The following DLG2 variants were observed in gnomAD, a reference collection of about 807,000 sequenced individuals.
DLG2 encodes the protein disks large homolog 2.
Under a neutral mutation model 132.5 loss-of-function variants are expected in DLG2, and 45 were observed. The observed-to-expected ratio is 0.34, with a 90% CI of 0.27 to 0.44. DLG2 has a LOEUF of 0.44. Among genes scored for constraint, DLG2 ranks in the 20% least tolerant of loss-of-function variants. DLG2 has a pLI of 1.00. For synonymous variants in DLG2, 424 were observed against 419.6 expected (o/e 1.01, Z -0.13); for missense variants, 1,045 against 1,196.9 (o/e 0.87, Z 1.87).
At chr11:85,346,248 C>T (rs2082838672) in intron 3 of DLG2, among the ~76,000 whole-genome samples, 2 of 151,026 alleles carry the variant, frequency 1.3e-5, no homozygotes, top group Admixed American at 6.6e-5. Flanking sequence ...AGTGCAGTGG[C>T]GCTATCTCGG....
At chr11:85,014,372 C>T (rs1284894683) in intron 6 of DLG2, among the ~76,000 whole-genome samples, 2 of 152,144 alleles carry the variant, frequency 1.3e-5, no homozygotes, top group East Asian at 3.8e-4. Context: ...CTTATATATG[C>T]AGTTTTTAAT....
At chr11:84,300,008 T>C (rs2098134655) in intron 7 of DLG2, among the ~76,000 whole-genome samples, 1 of 151,978 alleles carries the variant, frequency 6.6e-6, no homozygotes, top group South Asian at 2.1e-4. Flanking sequence ...ACAGATAAAA[T>C]GTTATACAAT....
intron 21 of DLG2, among the ~76,000 whole-genome samples, chr11:83,522,127 C>T (rs984970493): frequency 2.0e-5 from 3 of 152,182 alleles, no homozygotes; most frequent in Non-Finnish European, 4.4e-5. Context: ...TTTACTTTTG[C>T]TCCTGCTGTT....
chr11:84,627,264 T>C (rs192849592), intron 6 of DLG2, among the ~76,000 whole-genome samples: 15 of 152,288 alleles, frequency 9.8e-5, no homozygotes, highest in Non-Finnish European at 4.4e-5. Context: ...CTATGCACAA[T>C]CACTTATTCA....
At chr11:85,169,086 T>C (rs556842334) in intron 4 of DLG2, among the ~76,000 whole-genome samples, 1 of 152,276 alleles carries the variant, frequency 6.6e-6, no homozygotes, top group East Asian at 1.9e-4. Context: ...CCTACACATA[T>C]CCTCCCAGAT....
At chr11:85,419,179 T>C (rs1225795321) in intron 3 of DLG2, among the ~76,000 whole-genome samples, 1 of 152,224 alleles carries the variant, frequency 6.6e-6, no homozygotes, top group Non-Finnish European at 1.5e-5. Flanking sequence ...CCTTCGCTTA[T>C]GAAGCTTAGT....
chr11:84,184,317 T>G (rs2096226117), intron 8 of DLG2, among the ~76,000 whole-genome samples: 1 of 151,658 alleles, frequency 6.6e-6, no homozygotes, highest in South Asian at 2.1e-4. Context: ...TGCATTTCTC[T>G]GATGGCCAGT....
chr11:85,164,454 T>C (rs2152480557), intron 4 of DLG2, among the ~76,000 whole-genome samples: 1 of 152,318 alleles, frequency 6.6e-6, no homozygotes, highest in East Asian at 1.9e-4. Flanking sequence ...ATATCATGAC[T>C]GATTCTCTAT....
chr11:84,307,418 G>C (rs2098232029), intron 7 of DLG2, among the ~76,000 whole-genome samples: 2 of 152,140 alleles, frequency 1.3e-5, no homozygotes, highest in African/African-American at 4.8e-5. Context: ...GTCCAGAACT[G>C]GTGTGTTCTT....
At chr11:85,546,145 T>C (rs1268210405) in intron 3 of DLG2, among the ~76,000 whole-genome samples, 1 of 152,214 alleles carries the variant, frequency 6.6e-6, no homozygotes, top group Non-Finnish European at 1.5e-5. Context: ...TAAATTTCCC[T>C]CTACACACTG....
chr11:83,852,028 C>G (rs1455471611), intron 16 of DLG2, among the ~76,000 whole-genome samples: 1 of 151,904 alleles, frequency 6.6e-6, no homozygotes, highest in African/African-American at 2.4e-5. Context: ...AACCAAGGAA[C>G]ACTCGAGGTT....
chr11:83,705,911 C>G (rs2069607540), intron 18 of DLG2, among the ~76,000 whole-genome samples: 1 of 152,156 alleles, frequency 6.6e-6, no homozygotes, highest in Non-Finnish European at 1.5e-5. Context: ...AAAGTTTCAA[C>G]TTCACAATTA....
At chr11:84,827,887 G>C (rs781554834) in intron 6 of DLG2, among the ~76,000 whole-genome samples, 1 of 151,480 alleles carries the variant, frequency 6.6e-6, no homozygotes, top group Admixed American at 6.6e-5. Context: ...CTTATTAGTG[G>C]GATCTAAAAA....
chr11:85,176,549 A>C (rs2079260519), intron 4 of DLG2, among the ~76,000 whole-genome samples: 1 of 152,196 alleles, frequency 6.6e-6, no homozygotes, highest in South Asian at 2.1e-4. Context: ...GGACATAGGC[A>C]CTGGCAAAGA....
chr11:84,438,307 A>G (rs1017244047), intron 7 of DLG2, among the ~76,000 whole-genome samples: 2 of 152,142 alleles, frequency 1.3e-5, no homozygotes, highest in Non-Finnish European at 2.9e-5. Context: ...GTCTCCTCCC[A>G]AATGCCTGAG....
intron 3 of DLG2, chr11:85,525,096 C>T (rs2074645464): frequency 6.6e-6 from 1 of 152,122 alleles, no homozygotes; most frequent in Non-Finnish European, 1.5e-5. Flanking sequence ...GTACCCTTAA[C>T]ATCCATTTAC....
At chr11:84,219,851 A>G (rs919081987) in intron 8 of DLG2, among the ~76,000 whole-genome samples, 2 of 152,186 alleles carry the variant, frequency 1.3e-5, no homozygotes, top group African/African-American at 4.8e-5. Flanking sequence ...TATTGGTTTT[A>G]AAGTTGCTCC....
At chr11:83,867,323 G>C (rs1355198568) in intron 16 of DLG2, among the ~76,000 whole-genome samples, 1 of 152,044 alleles carries the variant, frequency 6.6e-6, no homozygotes, top group Non-Finnish European at 1.5e-5. Context: ...AGCAAAATGA[G>C]AGCCACATAA....
chr11:84,202,066 C>G (rs1011006508), intron 8 of DLG2, among the ~76,000 whole-genome samples: 6 of 151,894 alleles, frequency 4.0e-5, no homozygotes, highest in Non-Finnish European at 7.4e-5. Context: ...ATCCTCCTGC[C>G]TTGGCCTCCC....
Sources: gnomAD v4.1 joint callset for allele counts (sites outside exome capture counted in the v4.1 genomes callset) on GRCh38, gnomAD v4.1.1 for gene constraint, MANE v1.5 for transcripts, NCBI Gene and HGNC (gene_info 2026-07-23, HGNC 2026-07-21) for gene names.